SPAG16: variants seen among roughly 807,000 people sequenced by gnomAD.
SPAG16 encodes sperm associated antigen 16, also known as sperm-associated antigen 16 protein.
A neutral mutation model predicts 80.4 loss-of-function variants in SPAG16; 86 were observed. That is an observed-to-expected ratio of 1.07 (90% CI 0.90 to 1.28). The LOEUF is 1.28. Among genes scored for constraint, SPAG16 ranks in the 50% most tolerant of loss-of-function variants. The pLI, the probability that SPAG16 is intolerant of heterozygous loss-of-function variation, is 0.00. For synonymous variants in SPAG16, 294 were observed against 265.9 expected (o/e 1.11, Z -1.03); for missense variants, 870 against 765.3 (o/e 1.14, Z -1.61).
rs375533044 is a variant in SPAG16 at position 214,116,372 on chromosome 2, T to C, written c.1593+8111T>C. Among the ~76,000 whole-genome samples, 15 of 152,332 alleles carry C rather than the reference T, an allele frequency of 9.8e-5. No homozygotes were observed. The East Asian group carries it at 2.9e-3, about 29-fold the overall frequency. ...AACCTGGGAGTCTAAGCCTCCATAA[T>C]GAGTTCACTAACCTCCATTTCACAG... On this transcript the variant is annotated intron_variant, in intron 14 of 15. Coordinates refer to ENST00000331683, the MANE Select transcript of SPAG16 (RefSeq NM_024532.5).
intron 13 of SPAG16, among the ~76,000 whole-genome samples, chr2:214,060,915 T>C (rs2050226971): frequency 6.6e-6 from 1 of 152,190 alleles, no homozygotes; most frequent in Non-Finnish European, 1.5e-5. Flanking sequence ...GCAATGATTT[T>C]CAAGACATCA....
At chr2:213,502,214 C>T (rs938230657) in intron 10 of SPAG16, among the ~76,000 whole-genome samples, 2 of 152,110 alleles carry the variant, frequency 1.3e-5, no homozygotes, top group Non-Finnish European at 2.9e-5. Context: ...CAGCCTGGAC[C>T]CCCAGGGATC....
At chr2:214,166,192 T>C (rs2056647170) in intron 15 of SPAG16, among the ~76,000 whole-genome samples, 1 of 152,148 alleles carries the variant, frequency 6.6e-6, no homozygotes, top group Non-Finnish European at 1.5e-5. Context: ...AACTTCACAA[T>C]AATCATCTAG....
chr2:214,093,300 T>C (rs2052348209), intron 13 of SPAG16, among the ~76,000 whole-genome samples: 1 of 152,106 alleles, frequency 6.6e-6, no homozygotes, highest in Non-Finnish European at 1.5e-5. Context: ...GGGTTATTTG[T>C]ATTTTCTTAG....
chr2:213,844,363 G>C (rs1334408321), intron 10 of SPAG16, among the ~76,000 whole-genome samples: 1 of 152,156 alleles, frequency 6.6e-6, no homozygotes, highest in African/African-American at 2.4e-5. Flanking sequence ...GGTAAAAAGG[G>C]ACTATAATTG....
chr2:213,751,169 A>G (rs1035479023), intron 10 of SPAG16, among the ~76,000 whole-genome samples: 1 of 151,986 alleles, frequency 6.6e-6, no homozygotes, highest in East Asian at 1.9e-4. Flanking sequence ...ATGTACTTAT[A>G]TGGTAAATGT....
intron 15 of SPAG16, among the ~76,000 whole-genome samples, chr2:214,244,998 G>A (rs763643911): frequency 9.9e-5 from 15 of 152,034 alleles, no homozygotes; most frequent in Non-Finnish European, 2.2e-4. Context: ...TACTATGCCA[G>A]GACATTCTTC....
intron 14 of SPAG16, among the ~76,000 whole-genome samples, chr2:214,140,113 T>C (rs190153256): frequency 1.3e-5 from 2 of 152,272 alleles, no homozygotes; most frequent in South Asian, 2.1e-4. Context: ...TTTTACAAGA[T>C]TTCTGAGACT....
intron 9 of SPAG16, among the ~76,000 whole-genome samples, chr2:213,399,209 G>T (rs1041601207): frequency 6.6e-6 from 1 of 152,096 alleles, no homozygotes; most frequent in East Asian, 1.9e-4. Flanking sequence ...TGATTTTAAA[G>T]GTGATGCATC....
chr2:213,732,493 G>C (rs1424251962), intron 10 of SPAG16, among the ~76,000 whole-genome samples: 2 of 152,144 alleles, frequency 1.3e-5, no homozygotes, highest in Non-Finnish European at 2.9e-5. Flanking sequence ...GTTTGAGATT[G>C]CATAGTGTGA....
At chr2:214,311,728 C>G (rs1279811563) in intron 15 of SPAG16, 2 of 152,074 alleles carry the variant, frequency 1.3e-5, no homozygotes, top group Non-Finnish European at 2.9e-5. Flanking sequence ...GATCTTCTTT[C>G]TGAGGAGAAA....
At chr2:214,384,635 C>A (rs1350853742) in intron 15 of SPAG16, among the ~76,000 whole-genome samples, 5 of 152,146 alleles carry the variant, frequency 3.3e-5, no homozygotes, top group Admixed American at 1.3e-4. Context: ...TATCCTTCAC[C>A]AAGCAATGGG....
intron 7 of SPAG16, among the ~76,000 whole-genome samples, chr2:213,361,073 T>G (rs2065952387): frequency 6.6e-6 from 1 of 152,044 alleles, no homozygotes. Context: ...AGTTTGCATA[T>G]GAAAGAGTGA....
At chr2:214,285,156 T>C (rs946633237) in intron 15 of SPAG16, among the ~76,000 whole-genome samples, 2 of 152,188 alleles carry the variant, frequency 1.3e-5, no homozygotes, top group South Asian at 2.1e-4. Flanking sequence ...TTTTTGATAA[T>C]AGACAATTTA....
chr2:214,190,109 G>A (rs1383458855), intron 15 of SPAG16, among the ~76,000 whole-genome samples: 1 of 151,796 alleles, frequency 6.6e-6, no homozygotes, highest in Non-Finnish European at 1.5e-5. Flanking sequence ...GACATATGTA[G>A]CCACACACCT....
At chr2:214,267,829 G>A (rs1364743635) in intron 15 of SPAG16, among the ~76,000 whole-genome samples, 2 of 151,710 alleles carry the variant, frequency 1.3e-5, no homozygotes, top group South Asian at 2.1e-4. Flanking sequence ...AACTACATGG[G>A]CTTATATCAG....
At chr2:213,838,085 T>G (rs1428993189) in intron 10 of SPAG16, among the ~76,000 whole-genome samples, 1 of 151,998 alleles carries the variant, frequency 6.6e-6, no homozygotes, top group Non-Finnish European at 1.5e-5. Flanking sequence ...ACTGCATTTC[T>G]AGGCATCATA....
At chr2:213,372,324 C>T (rs916036641) in intron 8 of SPAG16, among the ~76,000 whole-genome samples, 2 of 151,858 alleles carry the variant, frequency 1.3e-5, no homozygotes, top group Non-Finnish European at 2.9e-5. Context: ...TCCGGATGAC[C>T]TTCTAGAAAT....
At chr2:214,386,226 T>G (rs747767140) in intron 15 of SPAG16, among the ~76,000 whole-genome samples, 3 of 151,970 alleles carry the variant, frequency 2.0e-5, no homozygotes, top group South Asian at 2.1e-4. Context: ...AATACAAAAC[T>G]TAGCCGGGCA....
Sources: allele counts gnomAD v4.1 joint callset (sites outside exome capture counted in the v4.1 genomes callset), GRCh38; gene constraint gnomAD v4.1.1; transcripts MANE v1.5; gene names NCBI Gene and HGNC (gene_info 2026-07-23, HGNC 2026-07-21).